Variants in ADD2 observed in about 807,000 individuals in gnomAD.
ADD2 encodes adducin 2.
In ADD2, 23 loss-of-function variants were observed where a neutral mutation model predicts 83.0. That is an observed-to-expected ratio of 0.28 (90% CI 0.20 to 0.39). The LOEUF (loss-of-function observed/expected upper bound fraction) is 0.39, where lower values mean the gene tolerates loss of function less well. ADD2 is among the 10% of genes least tolerant of loss of function. ADD2 has a pLI of 1.00. For missense variants in ADD2, 758 were observed against 944.9 expected (o/e 0.80, Z 2.59); for synonymous variants, 375 against 375.4 (o/e 1.00, Z 0.01).
intron 12 of ADD2, among the ~76,000 whole-genome samples, chr2:70,677,224 G>A (rs1670204582): frequency 6.6e-6 from 1 of 151,980 alleles, no homozygotes; most frequent in Admixed American, 6.6e-5. Flanking sequence ...GAATATCTGG[G>A]GAGAGGGGAG....
intron 6 of ADD2, 126 bp from the exon 7 acceptor site, chr2:70,692,678 G>A: frequency 1.9e-6 from 2 of 1,053,966 alleles, no homozygotes; most frequent in Middle Eastern, 2.9e-4. Flanking sequence ...CATGAGCAAT[G>A]ACGGACTTGG....
At chr2:70,760,217 C>T (rs1574333327) in intron 1 of ADD2, among the ~76,000 whole-genome samples, 2 of 152,278 alleles carry the variant, frequency 1.3e-5, no homozygotes, top group Admixed American at 6.5e-5. Context: ...CCTACACGTG[C>T]GTGTTTATAA....
rs1574206375 is a variant in ADD2 at position 70,663,226 on chromosome 2, T to C, written c.*199A>G. On this transcript the variant is annotated 3_prime_UTR_variant, in exon 16 of 16. Transcript: ENST00000264436. Reference sequence around the variant, plus strand: ...CAGGCTCTGCCGCTAACTAGCTGTGTGACCTTGGGCAAGTCACCTGATTTC... The same window carrying C: ...CAGGCTCTGCCGCTAACTAGCTGTGCGACCTTGGGCAAGTCACCTGATTTC... 1.7e-6 allele frequency: 1 copy of C among 605,730 alleles called. No individual in the cohort carries two copies. The highest frequency in any genetic ancestry group is 2.9e-6 in the Non-Finnish European group (1 of 349,512). The allele number at this position is 605,730 out of a possible 1,614,324, so 37.5% of individuals were successfully genotyped here. A position where few individuals can be genotyped will look rare whatever the true frequency, so the allele number is the denominator to read the frequency against.
chr2:70,704,265 C>CCCCCCCCCCCCCCCCCCCCCCCCCCCCA, intron 4 of ADD2, 56 bp downstream of exon 4: 1 of 442,438 alleles, frequency 2.3e-6, no homozygotes, highest in Non-Finnish European at 4.5e-6. Context: ...CCCTCTCTTC[C>CCCCCCCCCCCCCCCCCCCCCCCCCCCCA]CCACCCCACC....
chr2:70,674,833 T>G lies in ADD2; in HGVS notation c.1594-8A>C, dbSNP rs2104215251. 1 of 1,612,708 alleles carries G rather than the reference T, an allele frequency of 6.2e-7. No individual in the cohort carries two copies. On this transcript the variant is annotated splice_region_variant and splice_polypyrimidine_tract_variant and intron_variant, in intron 13 of 15. Coordinates refer to ENST00000264436, the MANE Select transcript of ADD2 (RefSeq NM_001617.4). ...CAGCTGGCTCTCTGTAGACTGAAAG[T>G]TAACCACAGAGGGTGTGTCGCTCTC... is the stretch of plus-strand genomic sequence containing the variant.
rs116564878 is a variant in ADD2 at position 70,690,206 on chromosome 2, C to T, written c.849+580G>A. Among the ~76,000 whole-genome samples the T allele has an allele frequency of 4.6e-3, 702 of 152,214 alleles. 3 individuals carry two copies. Among genetic ancestry groups the T allele is most frequent in the Non-Finnish European group, 7.7e-3 (525 of 68,008 alleles). On this transcript the variant is annotated intron_variant, in intron 8 of 15. Coordinates refer to ENST00000264436, the MANE Select transcript of ADD2 (RefSeq NM_001617.4). ...TCACCTTCTGGAGTCAATCGATCCT[C>T]CCACCTCAGCCTCCTGAGTAGCTGG...
At chr2:70,741,114 T>TG (rs1553381043) in intron 1 of ADD2, among the ~76,000 whole-genome samples, 1 of 152,100 alleles carries the variant, frequency 6.6e-6, no homozygotes, top group Admixed American at 6.5e-5. Context: ...AAAGAAATGA[T>TG]AAATTGCCCT....
At chr2:70,748,255 G>C (rs1433122354) in intron 1 of ADD2, among the ~76,000 whole-genome samples, 1 of 146,590 alleles carries the variant, frequency 6.8e-6, no homozygotes, top group Non-Finnish European at 1.5e-5. Flanking sequence ...AGTATTTAGA[G>C]GTAAAATTAG....
intron 10 of ADD2, 125 bp downstream of exon 10, chr2:70,683,466 T>C: frequency 9.6e-7 from 1 of 1,044,548 alleles, no homozygotes; most frequent in Non-Finnish European, 1.4e-6. Context: ...TTCCCATCAA[T>C]GAGGCTTCAA....
At chr2:70,753,183 C>G (rs1674598082) in intron 1 of ADD2, among the ~76,000 whole-genome samples, 1 of 152,052 alleles carries the variant, frequency 6.6e-6, no homozygotes, top group Non-Finnish European at 1.5e-5. Flanking sequence ...TATTCCAGGC[C>G]AGATAATCCA....
At chr2:70,754,784 A>G (rs1553383542) in intron 1 of ADD2, among the ~76,000 whole-genome samples, 2 of 152,010 alleles carry the variant, frequency 1.3e-5, no homozygotes, top group Admixed American at 1.3e-4. Context: ...CACCACTTTC[A>G]ATGTGTGGAT....
intron 8 of ADD2, among the ~76,000 whole-genome samples, chr2:70,688,534 G>T (rs1670859171): frequency 6.6e-6 from 1 of 152,236 alleles, no homozygotes; most frequent in Non-Finnish European, 1.5e-5. Flanking sequence ...GAATGAAGTT[G>T]TTTGCTATCC....
At chr2:70,684,704 G>A (rs973051307) in intron 9 of ADD2, among the ~76,000 whole-genome samples, 1 of 152,232 alleles carries the variant, frequency 6.6e-6, no homozygotes, top group Non-Finnish European at 1.5e-5. Context: ...AGAGAAAGGA[G>A]ACAGATAAAA....
intron 2 of ADD2, 24 bp downstream of exon 2, chr2:70,713,042 C>A: frequency 1.0e-6 from 1 of 968,626 alleles, no homozygotes; most frequent in Non-Finnish European, 1.2e-6. Flanking sequence ...CCCCCGTCAC[C>A]ACCAGAAACT....
chr2:70,712,454 AATAAAT>A (rs1672235978), intron 2 of ADD2, among the ~76,000 whole-genome samples: 1 of 138,730 alleles, frequency 7.2e-6, no homozygotes, highest in Non-Finnish European at 1.5e-5. Context: ...AAAAAAAATA[AATAAAT>A]AAAAAAAAAA....
At chr2:70,673,482 A>C (rs1669994237) in intron 14 of ADD2, 1 of 614,546 alleles carries the variant, frequency 1.6e-6, no homozygotes, top group Non-Finnish European at 2.9e-6. Context: ...TGTTTAATTC[A>C]TCAAATTTAC....
Position 70,764,548 on chromosome 2 carries a change from C to T in ADD2, c.-154+3338G>A, listed in dbSNP as rs552932011. Among the ~76,000 whole-genome samples the T allele has an allele frequency of 4.6e-5, 7 of 152,066 alleles. No individual in the cohort carries two copies. The South Asian group carries it at 8.3e-4, about 18-fold the overall frequency. Reference sequence around the variant, plus strand: ...TCAAATGGAAAGATACAAAGGCAAACGCAGACTCCAGCATCAGTTTCAGCC... The same window carrying T: ...TCAAATGGAAAGATACAAAGGCAAATGCAGACTCCAGCATCAGTTTCAGCC... On this transcript the variant is annotated intron_variant, in intron 1 of 15. Transcript: ENST00000264436.
In ADD2 at chr2:70,706,529, G is replaced by T; in HGVS notation, c.-34-87C>A. On this transcript the variant is annotated intron_variant, in intron 2 of 15. Coordinates refer to ENST00000264436, the MANE Select transcript of ADD2 (RefSeq NM_001617.4). The surrounding 1 kb of genome is among the most constrained non-coding windows in gnomAD (Gnocchi z 5.0). ...TCAGAGCACAGGGCTAGGTTCAGTT[G>T]GATTCTCAGTGGGGTACGGCTGTTC... The T allele has an allele frequency of 8.2e-7, 1 of 1,222,414 alleles. No individual in the cohort carries two copies. Among genetic ancestry groups the T allele is most frequent in the South Asian group, 1.6e-5 (1 of 63,694 alleles). The allele number at this position is 1,222,414 out of a possible 1,614,324, so 75.7% of individuals were successfully genotyped here.
At chr2:70,741,369 G>C (rs1401377821) in intron 1 of ADD2, 12 of 152,216 alleles carry the variant, frequency 7.9e-5, no homozygotes, top group African/African-American at 2.9e-4. Flanking sequence ...CTTTGATTAA[G>C]AGTCTGATGT....
Sources: allele counts gnomAD v4.1 joint callset (sites outside exome capture counted in the v4.1 genomes callset), GRCh38; gene constraint gnomAD v4.1.1; non-coding constraint Gnocchi (gnomAD v3.1); transcripts MANE v1.5; gene names NCBI Gene and HGNC (gene_info 2026-07-23, HGNC 2026-07-21).